Variants in ANKRD17 observed in about 807,000 individuals in gnomAD.
ANKRD17 encodes the protein ankyrin repeat domain-containing protein 17.
In ANKRD17, 19 loss-of-function variants were observed where a neutral mutation model predicts 229.7. The observed-to-expected ratio is 0.08, with a 90% CI of 0.06 to 0.12. ANKRD17 has a LOEUF of 0.12. ANKRD17 is among the 10% of genes least tolerant of loss of function. The pLI is 1.00. For synonymous variants in ANKRD17, 1,112 were observed against 1,146.1 expected (o/e 0.97, Z 0.60); for missense variants, 2,176 against 3,176.8 (o/e 0.68, Z 7.57).
intron 1 of ANKRD17, among the ~76,000 whole-genome samples, chr4:73,208,158 C>T (rs1266838482): frequency 5.6e-5 from 7 of 124,872 alleles, no homozygotes; most frequent in Non-Finnish European, 1.1e-4. Flanking sequence ...CACTGCACTC[C>T]AGCCTGGGCG....
intron 1 of ANKRD17, among the ~76,000 whole-genome samples, chr4:73,220,957 A>C (rs1741769753): frequency 6.6e-6 from 1 of 152,136 alleles, no homozygotes; most frequent in Non-Finnish European, 1.5e-5. Context: ...TTATGTAATA[A>C]ATATCTGTTT....
chr4:73,163,648 C>T (rs990063034), intron 2 of ANKRD17, among the ~76,000 whole-genome samples: 1 of 152,034 alleles, frequency 6.6e-6, no homozygotes, highest in Admixed American at 6.6e-5. Context: ...TTACAGTGCA[C>T]TTTATAATAA....
intron 21 of ANKRD17, 28 bp from the exon 22 acceptor site, chr4:73,118,878 G>GTTT: frequency 1.1e-6 from 1 of 946,342 alleles, no homozygotes; most frequent in South Asian, 1.8e-5. Context: ...AGATAGCATT[G>GTTT]TCTTTTTTTT....
intron 1 of ANKRD17, among the ~76,000 whole-genome samples, chr4:73,241,582 T>G (rs1744044360): frequency 6.6e-6 from 1 of 152,142 alleles, no homozygotes; most frequent in Admixed American, 6.5e-5. Flanking sequence ...ATAAACCACT[T>G]ACTCTAACTT....
At chr4:73,238,246 G>T (rs549536065) in intron 1 of ANKRD17, among the ~76,000 whole-genome samples, 2 of 152,104 alleles carry the variant, frequency 1.3e-5, no homozygotes, top group South Asian at 4.1e-4. Context: ...TCAAAAGAAA[G>T]TATTACCAGG....
chr4:73,082,339 T>C (rs979413863), intron 30 of ANKRD17, among the ~76,000 whole-genome samples: 1 of 151,866 alleles, frequency 6.6e-6, no homozygotes, highest in African/African-American at 2.4e-5. Flanking sequence ...AATAAAAACA[T>C]TAGCTGGGTG....
chr4:73,235,888 G>C (rs1743459957), intron 1 of ANKRD17, among the ~76,000 whole-genome samples: 1 of 151,550 alleles, frequency 6.6e-6, no homozygotes, highest in Non-Finnish European at 1.5e-5. Context: ...GGTTTTAATA[G>C]AGACAGGGTC....
intron 29 of ANKRD17, among the ~76,000 whole-genome samples, chr4:73,086,153 T>C (rs1722099531): frequency 6.6e-6 from 1 of 152,244 alleles, no homozygotes; most frequent in Non-Finnish European, 1.5e-5. Flanking sequence ...GGATCATTAG[T>C]TTTCCTTTAC....
At chr4:73,142,572 T>C in intron 12 of ANKRD17, 68 bp downstream of exon 12, 1 of 1,610,194 alleles carries the variant, frequency 6.2e-7, no homozygotes, top group South Asian at 1.1e-5. Context: ...TTGTACATGA[T>C]ATGTTGTAAC....
chr4:73,112,941 C>G (rs892548915), intron 24 of ANKRD17: 3 of 396,338 alleles, frequency 7.6e-6, no homozygotes, highest in Admixed American at 1.0e-4. Flanking sequence ...GCATGCACCA[C>G]CACGTCCGGC....
At chr4:73,220,343 G>A (rs1198232356) in intron 1 of ANKRD17, among the ~76,000 whole-genome samples, 1 of 152,036 alleles carries the variant, frequency 6.6e-6, no homozygotes. Context: ...GATGCCTTTG[G>A]TTTGGAGAAG....
intron 1 of ANKRD17, among the ~76,000 whole-genome samples, chr4:73,196,124 C>T (rs575104220): frequency 7.9e-5 from 12 of 151,616 alleles, no homozygotes; most frequent in Middle Eastern, 3.4e-3. Flanking sequence ...CTCAGTCTCC[C>T]GAGTAGCTGG....
chr4:73,112,831 AG>A (rs1452943580), intron 24 of ANKRD17: 1 of 487,204 alleles, frequency 2.1e-6, no homozygotes, highest in East Asian at 1.5e-4. Flanking sequence ...TCTGTTGCCC[AG>A]GCTGGAGTGC....
At chr4:73,146,643 A>G in intron 10 of ANKRD17, 121 bp downstream of exon 10, 1 of 773,962 alleles carries the variant, frequency 1.3e-6, no homozygotes, top group Non-Finnish European at 1.9e-6. Context: ...ATGGCAAAAA[A>G]ATAAAAATAA....
intron 1 of ANKRD17, among the ~76,000 whole-genome samples, chr4:73,179,518 A>ATATATAT (rs1192164276): frequency 4.9e-5 from 2 of 40,786 alleles, no homozygotes; most frequent in African/African-American, 9.2e-5. Flanking sequence ...ATATATATAT[A>ATATATAT]TTTTTTTTTT....
intron 1 of ANKRD17, among the ~76,000 whole-genome samples, chr4:73,189,488 C>T (rs1736760443): frequency 7.2e-6 from 1 of 139,674 alleles, no homozygotes; most frequent in Non-Finnish European, 1.5e-5. Flanking sequence ...CCTCCATTTC[C>T]TGGGTTCAAG....
chr4:73,236,050 A>G (rs749754711), intron 1 of ANKRD17, among the ~76,000 whole-genome samples: 11 of 152,052 alleles, frequency 7.2e-5, no homozygotes, highest in Non-Finnish European at 1.3e-4. Flanking sequence ...AAGCTCTCTT[A>G]TATGACAGAA....
chr4:73,086,944 ATATATATATC>A (rs1315630140), intron 29 of ANKRD17, among the ~76,000 whole-genome samples: 49 of 90,428 alleles, frequency 5.4e-4, no homozygotes, highest in Admixed American at 5.4e-3. Flanking sequence ...ATATATATAT[ATATATATATC>A]TGTAGGATTT....
chr4:73,160,152 T>A (rs1257320530), intron 3 of ANKRD17, among the ~76,000 whole-genome samples: 1 of 151,658 alleles, frequency 6.6e-6, no homozygotes, highest in Non-Finnish European at 1.5e-5. Context: ...AATGGTAACA[T>A]GTATTAATGA....
Sources: allele counts gnomAD v4.1 joint callset (sites outside exome capture counted in the v4.1 genomes callset), GRCh38; gene constraint gnomAD v4.1.1; transcripts MANE v1.5; gene names NCBI Gene and HGNC (gene_info 2026-07-23, HGNC 2026-07-21).